The following BTG4 variants were observed in gnomAD, a reference collection of about 807,000 sequenced individuals.
BTG4 encodes the protein BTG anti-proliferation factor 4, also known as protein BTG4.
A neutral mutation model predicts 19.3 loss-of-function variants in BTG4; 10 were observed. That is an observed-to-expected ratio of 0.52 (90% CI 0.32 to 0.88). BTG4 has a LOEUF of 0.88. Ranked by LOEUF, BTG4 falls within the 40% of genes least tolerant of loss-of-function variation. The pLI is 0.04. For synonymous variants in BTG4, 91 were observed against 95.7 expected (o/e 0.95, Z 0.29); for missense variants, 238 against 281.9 (o/e 0.84, Z 1.11).
the BTG4 span, among the ~76,000 whole-genome samples, chr11:111,443,854 C>T: frequency 9.3e-3 from 1,415 of 152,254 alleles, 24 homozygotes; most frequent in African/African-American, 0.031. Context: ...AGCAGGAAGC[C>T]TCACTTAGAA....
At chr11:111,427,304 A>C in the BTG4 span, among the ~76,000 whole-genome samples, 1 of 152,276 alleles carries the variant, frequency 6.6e-6, no homozygotes, top group South Asian at 2.1e-4. Context: ...CTGAGCTGTG[A>C]AATTGAGCAG....
the BTG4 span, among the ~76,000 whole-genome samples, chr11:111,392,985 G>A: frequency 6.6e-6 from 1 of 152,166 alleles, no homozygotes; most frequent in South Asian, 2.1e-4. Context: ...GGGCCCTGAG[G>A]GGAGTCTTAT....
the BTG4 span, among the ~76,000 whole-genome samples, chr11:111,398,697 G>C: frequency 6.6e-6 from 1 of 152,100 alleles, no homozygotes; most frequent in East Asian, 1.9e-4. Flanking sequence ...CTGCTGGTCT[G>C]GGAATCACAC....
At chr11:111,452,891 A>G in the BTG4 span, among the ~76,000 whole-genome samples, 1 of 152,180 alleles carries the variant, frequency 6.6e-6, no homozygotes, top group Non-Finnish European at 1.5e-5. Flanking sequence ...AATTATTAAT[A>G]TAATGTGGTC....
intron 5 of BTG4, among the ~76,000 whole-genome samples, chr11:111,480,634 A>G (rs2135571408): frequency 6.6e-6 from 1 of 152,118 alleles, no homozygotes; most frequent in African/African-American, 2.4e-5. Flanking sequence ...GAACCAAATT[A>G]GAAATAAATA....
intron 5 of BTG4, among the ~76,000 whole-genome samples, chr11:111,484,687 G>C (rs1399361984): frequency 6.6e-6 from 1 of 152,014 alleles, no homozygotes; most frequent in Non-Finnish European, 1.5e-5. Flanking sequence ...TACTGTCAGA[G>C]GGAATCACTT....
At chr11:111,456,004 G>T in the BTG4 span, 11 of 310,462 alleles carry the variant, frequency 3.5e-5, no homozygotes. The surrounding 1 kb of genome is among the most constrained non-coding windows in gnomAD (Gnocchi z 4.2). Flanking sequence ...GTAGAAGAGG[G>T]CAAAACAGAG....
chr11:111,477,343 TAC>T (rs144968351), intron 5 of BTG4, among the ~76,000 whole-genome samples: 1 of 151,632 alleles, frequency 6.6e-6, no homozygotes, highest in African/African-American at 2.4e-5. Context: ...CAAGCTTGTG[TAC>T]ACACACACAC....
At chr11:111,446,861 T>G in the BTG4 span, among the ~76,000 whole-genome samples, 1 of 152,164 alleles carries the variant, frequency 6.6e-6, no homozygotes, top group Non-Finnish European at 1.5e-5. Context: ...TGCTGAACAT[T>G]ATGGTAACCA....
chr11:111,514,700 A>C, upstream of BTG4: 3 of 991,942 alleles, frequency 3.0e-6, no homozygotes, highest in Non-Finnish European at 4.3e-6. Flanking sequence ...AGGGGCTGGT[A>C]CCAACTTGGC....
chr11:111,511,900 A>T (rs1591547133), intron 1 of BTG4, among the ~76,000 whole-genome samples: 1 of 152,278 alleles, frequency 6.6e-6, no homozygotes, highest in East Asian at 1.9e-4. Flanking sequence ...ACTATTCTAA[A>T]TAGTCCCTAG....
the BTG4 span, among the ~76,000 whole-genome samples, chr11:111,420,189 G>A: frequency 4.3e-4 from 65 of 152,204 alleles, no homozygotes; most frequent in South Asian, 1.0e-3. Flanking sequence ...GCAAAGTCCT[G>A]GAGGACTTGC....
chr11:111,493,265 G>C (rs190898638), downstream of BTG4, among the ~76,000 whole-genome samples: 1 of 152,290 alleles, frequency 6.6e-6, no homozygotes, highest in East Asian at 1.9e-4. Context: ...ATAATTTCCT[G>C]ATTGAAACAT....
the BTG4 span, chr11:111,456,739 G>A: frequency 1.2e-3 from 387 of 323,358 alleles, 3 homozygotes; most frequent in African/African-American, 6.9e-3. This position sits in a 1 kb window ranked among gnomAD's most constrained non-coding sequence, Gnocchi z 4.2. Flanking sequence ...CACCAATGCC[G>A]GTGAGCCCCT....
At chr11:111,455,431 G>T in the BTG4 span, 1 of 232,636 alleles carries the variant, frequency 4.3e-6, no homozygotes, top group South Asian at 5.9e-5. Context: ...GCCAGCCGGA[G>T]GAGGCACCTG....
At chr11:111,478,241 T>C (rs1271310398) in intron 5 of BTG4, among the ~76,000 whole-genome samples, 1 of 152,096 alleles carries the variant, frequency 6.6e-6, no homozygotes, top group African/African-American at 2.4e-5. Context: ...CATAAGGAGC[T>C]AGAACTCCTA....
downstream of BTG4, among the ~76,000 whole-genome samples, chr11:111,467,231 A>G (rs1412245856): frequency 1.3e-5 from 2 of 152,226 alleles, no homozygotes; most frequent in African/African-American, 4.8e-5. Flanking sequence ...CAGAACAGAC[A>G]CAGTGGTTAC....
downstream of BTG4, among the ~76,000 whole-genome samples, chr11:111,490,581 C>T (rs376890710): frequency 1.3e-5 from 2 of 152,132 alleles, no homozygotes; most frequent in African/African-American, 2.4e-5. Context: ...AAATAAACAA[C>T]GCACTCAATT....
intron 5 of BTG4, among the ~76,000 whole-genome samples, chr11:111,487,932 A>G (rs1375064723): frequency 3.9e-5 from 6 of 152,168 alleles, no homozygotes; most frequent in East Asian, 3.8e-4. Flanking sequence ...TGAAAACTAT[A>G]AAATATTAAT....
Sources: gnomAD v4.1 joint callset for allele counts (sites outside exome capture counted in the v4.1 genomes callset) on GRCh38, gnomAD v4.1.1 for gene constraint, Gnocchi (gnomAD v3.1) non-coding constraint, MANE v1.5 for transcripts, NCBI Gene and HGNC (gene_info 2026-07-23, HGNC 2026-07-21) for gene names.